The following DDX1 variants were observed in gnomAD, a reference collection of about 807,000 sequenced individuals.
DDX1 encodes the protein ATP-dependent RNA helicase DDX1.
Under a neutral mutation model 108.7 loss-of-function variants are expected in DDX1, and 28 were observed. The ratio of observed to expected loss-of-function variants is 0.26; its 90% CI spans 0.19 to 0.35. The LOEUF (loss-of-function observed/expected upper bound fraction) is 0.35, where lower values mean the gene tolerates loss of function less well. DDX1 is among the 10% of genes least tolerant of loss of function. DDX1 has a pLI of 1.00. For synonymous variants in DDX1, 295 were observed against 288.9 expected, an observed-to-expected ratio of 1.02 and a Z score of -0.21; for missense variants, 710 against 884.5, an observed-to-expected ratio of 0.80 and a Z score of 2.50.
At chr2:15,608,051 C>T (rs897910536) in intron 13 of DDX1, among the ~76,000 whole-genome samples, 2 of 152,124 alleles carry the variant, frequency 1.3e-5, no homozygotes, top group African/African-American at 4.8e-5. Context: ...CTCTTTCCAC[C>T]ATTGGAAGGA....
chr2:15,592,771 G>T (rs528770505), intron 1 of DDX1, among the ~76,000 whole-genome samples: 71 of 152,110 alleles, frequency 4.7e-4, no homozygotes, highest in Non-Finnish European at 8.1e-4. Context: ...CTATATAAAT[G>T]TATCACGTTA....
At chr2:15,621,182 A>G (rs1484589687) in intron 18 of DDX1, 66 bp downstream of exon 18, 2 of 1,119,734 alleles carry the variant, frequency 1.8e-6, no homozygotes, top group East Asian at 2.4e-5. Flanking sequence ...ACCTATTCTC[A>G]TGAAGGATGT....
At chr2:15,618,456 G>A (rs1665936058) in intron 16 of DDX1, among the ~76,000 whole-genome samples, 186 bp downstream of exon 16, 1 of 152,192 alleles carries the variant, frequency 6.6e-6, no homozygotes, top group Admixed American at 6.5e-5. Context: ...TACCAGCCTG[G>A]ACCCCATGCC....
At chr2:15,605,239 G>A (rs796241029) in intron 10 of DDX1, among the ~76,000 whole-genome samples, 25 of 152,186 alleles carry the variant, frequency 1.6e-4, no homozygotes, top group African/African-American at 5.5e-4. Context: ...CCTAGGGATT[G>A]AGGGTAGTTA....
chr2:15,610,755 T>C (rs1261497326), intron 13 of DDX1, among the ~76,000 whole-genome samples: 6 of 152,212 alleles, frequency 3.9e-5, no homozygotes, highest in Non-Finnish European at 8.8e-5. Flanking sequence ...AGAATAATTT[T>C]TTCCATGTTA....
At chr2:15,593,365 C>T (rs1665449262) in intron 1 of DDX1, among the ~76,000 whole-genome samples, 1 of 152,202 alleles carries the variant, frequency 6.6e-6, no homozygotes, top group Middle Eastern at 3.4e-3. Flanking sequence ...CTTTGGGAGT[C>T]ATACACAAAT....
intron 18 of DDX1, among the ~76,000 whole-genome samples, chr2:15,622,973 A>G (rs77552768): frequency 0.017 from 2,542 of 152,324 alleles, 21 homozygotes; most frequent in Non-Finnish European, 0.026. Context: ...AGAGTGAAGT[A>G]TGAACTTTCT....
In DDX1 at chr2:15,605,994, A is replaced by C. The variant is rs1441681422; in HGVS notation, c.670A>C (p.Asn224His). The C allele has an allele frequency of 3.2e-6, 5 of 1,584,692 alleles. No individual in the cohort carries two copies. The South Asian group carries it at 5.9e-5, about 19-fold the overall frequency. The change falls in exon 11 of 26, where the codon AAC (asparagine) becomes CAC (histidine). Residue 224 changes from asparagine to histidine, a missense_variant. Physicochemically the swap from Asn to His is moderately conservative, Grantham distance 68 (BLOSUM62 1). Transcript: ENST00000233084. Reference sequence around the variant, plus strand: ...ATTTGAAATACCACCACATATGAAAAACCAAGCCCTCTTTCCTGCCTGTGT... The same window carrying C: ...ATTTGAAATACCACCACATATGAAACACCAAGCCCTCTTTCCTGCCTGTGT... Reference protein sequence around the residue: ...LAFEIPPHMKNQALFPACVLK... With the variant: ...LAFEIPPHMKHQALFPACVLK...
Position 15,623,486 on chromosome 2 carries a change from G to A in DDX1, c.1498G>A (p.Ala500Thr). The part of the protein sequence containing the change: ...KILKGEYAVR[A>T]IKEHKMDQAI... ...CCTGAAAGGGGAGTATGCTGTCCGG[G>A]CAATCAAGGAACATAAGATGGATCA... Residue 500 changes from alanine (A) to threonine (T), a missense_variant, in exon 19 of 26, where the codon GCA (alanine) becomes ACA (threonine). This residue lies in a region of DDX1 where 661 missense variants were observed against 810.2 expected (regional missense o/e 0.82). Transcript: ENST00000233084. The A allele has an allele frequency of 6.2e-7, 1 of 1,613,462 alleles. No homozygotes were observed. Among genetic ancestry groups the A allele is most frequent in the Non-Finnish European group, 8.5e-7 (1 of 1,179,598 alleles).
At chr2:15,629,510 GGA>G in intron 23 of DDX1, 90 bp from the exon 24 acceptor site, 1 of 858,332 alleles carries the variant, frequency 1.2e-6, no homozygotes, top group Admixed American at 3.0e-5. Flanking sequence ...AGTGCCTTGA[GGA>G]CAGAAAACAA....
At chr2:15,611,360 C>T (rs1489830156) in intron 13 of DDX1, among the ~76,000 whole-genome samples, 9 of 151,588 alleles carry the variant, frequency 5.9e-5, no homozygotes, top group East Asian at 2.0e-4. Flanking sequence ...TCCACAAAAC[C>T]GCCATTGTCA....
chr2:15,595,635 T>C (rs568137241), intron 3 of DDX1, 82 bp downstream of exon 3: 19 of 973,490 alleles, frequency 2.0e-5, no homozygotes, highest in Admixed American at 3.5e-5. Flanking sequence ...TACTTTACCT[T>C]TATTCACAAA....
chr2:15,609,749 GA>G (rs56286669), intron 13 of DDX1, among the ~76,000 whole-genome samples: 36,464 of 150,622 alleles, frequency 0.24, 5,384 homozygotes, highest in African/African-American at 0.42. Context: ...AGTATTGTTG[GA>G]AAAAAAAATG....
chr2:15,597,588 G>GT, intron 5 of DDX1, 117 bp downstream of exon 5: 1 of 673,454 alleles, frequency 1.5e-6, no homozygotes, highest in Admixed American at 3.0e-5. Context: ...CTGGGGGGTG[G>GT]TATTGGGATC....
chr2:15,618,389 GC>G, intron 16 of DDX1, 119 bp downstream of exon 16: 1 of 618,510 alleles, frequency 1.6e-6, no homozygotes, highest in Non-Finnish European at 3.0e-6. Flanking sequence ...TGATGCCCTT[GC>G]CCGGGTTTTG....
In DDX1 at chr2:15,630,042, C is replaced by G; in HGVS notation, c.2024C>G (p.Pro675Arg). The change falls in exon 25 of 26, where the codon CCG becomes CGG. Residue 675 changes from proline to arginine, a missense_variant. Around this residue, in one of 3 missense-constraint regions of DDX1, gnomAD observed 661 missense variants for 810.2 expected, o/e 0.82. Coordinates refer to ENST00000233084, the MANE Select transcript of DDX1 (RefSeq NM_004939.3). Reference protein sequence around the residue: ...HLNCTISQVEPDIKVPVDEFD... With the variant: ...HLNCTISQVERDIKVPVDEFD... Reference sequence around the variant, plus strand: ...AACTGTACCATTTCTCAGGTTGAGCCGGATATAAAGGTACCAGTGGATGAA... The same window carrying G: ...AACTGTACCATTTCTCAGGTTGAGCGGGATATAAAGGTACCAGTGGATGAA... 6.2e-7 allele frequency: 1 copy of G among 1,612,840 alleles called. No individual in the cohort carries two copies. Among genetic ancestry groups the G allele is most frequent in the Non-Finnish European group, 8.5e-7 (1 of 1,179,194 alleles).
intron 13 of DDX1, among the ~76,000 whole-genome samples, chr2:15,608,979 A>G (rs1440089892): frequency 6.6e-6 from 1 of 151,128 alleles, no homozygotes; most frequent in African/African-American, 2.5e-5. Context: ...TCTACCTTCC[A>G]TATGTGAAGT....
chr2:15,594,638 G>A (rs1198541894), intron 1 of DDX1, among the ~76,000 whole-genome samples: 1 of 152,200 alleles, frequency 6.6e-6, no homozygotes, highest in African/African-American at 2.4e-5. Context: ...GCCAATAAAT[G>A]TGGGTGCTCG....
intron 14 of DDX1, among the ~76,000 whole-genome samples, chr2:15,617,032 A>G (rs190242661): frequency 1.4e-3 from 206 of 152,184 alleles, no homozygotes; most frequent in African/African-American, 4.6e-3. Flanking sequence ...GTCAAAATCA[A>G]TTTTGGTCAA....
Sources: allele counts gnomAD v4.1 joint callset (sites outside exome capture counted in the v4.1 genomes callset), GRCh38; gene constraint gnomAD v4.1.1; regional missense constraint gnomAD v4.1.1; transcripts MANE v1.5; gene names NCBI Gene and HGNC (gene_info 2026-07-23, HGNC 2026-07-21).